CCDC3: variants seen among roughly 807,000 people sequenced by gnomAD.
CCDC3 encodes the protein coiled-coil domain-containing protein 3.
In CCDC3, 24 loss-of-function variants were observed where a neutral mutation model predicts 21.4. The observed-to-expected ratio is 1.12, with a 90% CI of 0.81 to 1.58. CCDC3 has a LOEUF of 1.58. CCDC3 is among the 40% of genes most tolerant of loss of function. The pLI is 0.00. For missense variants in CCDC3, 425 were observed against 360.9 expected (o/e 1.18, Z -1.44); for synonymous variants, 186 against 166.0 (o/e 1.12, Z -0.93).
chr10:13,025,467 G>C (rs1481185469), intron 5 of CCDC3, among the ~76,000 whole-genome samples: 2 of 152,198 alleles, frequency 1.3e-5, no homozygotes, highest in African/African-American at 4.8e-5. Flanking sequence ...AGTTTAGTGA[G>C]AGCCACCAAA....
chr10:12,917,979 G>A (rs1411263994), intron 2 of CCDC3, among the ~76,000 whole-genome samples: 2 of 152,204 alleles, frequency 1.3e-5, no homozygotes, highest in African/African-American at 2.4e-5. Context: ...ATGTCATACT[G>A]ACTGAAGGTT....
rs1834204463 is a variant in CCDC3, at chr10:12,908,181, T to A, written c.550-9502A>T. Among the ~76,000 whole-genome samples the A allele has an allele frequency of 3.3e-5, 5 of 152,212 alleles. No individual in the cohort carries two copies. The South Asian group carries it at 1.0e-3, about 32-fold the overall frequency. ...TACAAAGGTTTCCCAAAATGGAGTCTCCAGGACACTCGTCTCATTAGATGT... is the reference window on the plus strand; with the variant it reads ...TACAAAGGTTTCCCAAAATGGAGTCACCAGGACACTCGTCTCATTAGATGT... On this transcript the variant is annotated intron_variant, in intron 2 of 2. Coordinates refer to ENST00000378825, the MANE Select transcript of CCDC3 (RefSeq NM_031455.4).
At chr10:12,970,953 G>C (rs1835333530) in intron 2 of CCDC3, among the ~76,000 whole-genome samples, 1 of 151,930 alleles carries the variant, frequency 6.6e-6, no homozygotes, top group Non-Finnish European at 1.5e-5. Flanking sequence ...ACTTCGCAAA[G>C]TTTGGCCTAT....
chr10:12,910,743 G>A (rs1463069225), intron 2 of CCDC3, among the ~76,000 whole-genome samples: 6 of 151,656 alleles, frequency 4.0e-5, no homozygotes, highest in Non-Finnish European at 5.9e-5. Flanking sequence ...CTGAGTAGCT[G>A]GGACTACAGG....
At chr10:13,052,063 A>G (rs1044119178) in intron 4 of CCDC3, among the ~76,000 whole-genome samples, 1 of 152,100 alleles carries the variant, frequency 6.6e-6, no homozygotes, top group Non-Finnish European at 1.5e-5. Flanking sequence ...GAAGGTGCAA[A>G]TTACTAGGGC....
At chr10:12,992,894 G>C (rs1835702070) in intron 2 of CCDC3, among the ~76,000 whole-genome samples, 1 of 152,160 alleles carries the variant, frequency 6.6e-6, no homozygotes, top group Non-Finnish European at 1.5e-5. Flanking sequence ...TGGGTGGATG[G>C]GTGTCAGAGG....
chr10:12,914,965 A>T (rs1399561079), intron 2 of CCDC3, among the ~76,000 whole-genome samples: 1 of 152,074 alleles, frequency 6.6e-6, no homozygotes. Context: ...TGATGCAGGC[A>T]TTTATTGTTA....
chr10:12,980,826 C>G (rs1211436343), intron 2 of CCDC3, among the ~76,000 whole-genome samples: 1 of 152,072 alleles, frequency 6.6e-6, no homozygotes, highest in Non-Finnish European at 1.5e-5. Flanking sequence ...TTCAATGAAG[C>G]AAACAGCTAC....
At chr10:12,999,327 C>T (rs1212903477) in intron 1 of CCDC3, among the ~76,000 whole-genome samples, 2 of 152,178 alleles carry the variant, frequency 1.3e-5, no homozygotes, top group African/African-American at 2.4e-5. Context: ...GTAAATGAAG[C>T]ACTTGGTACA....
intron 3 of CCDC3, among the ~76,000 whole-genome samples, chr10:13,078,549 A>T (rs1378052840): frequency 6.6e-6 from 1 of 152,242 alleles, no homozygotes; most frequent in Non-Finnish European, 1.5e-5. Context: ...TACTATAAAG[A>T]CACATGCACA....
At chr10:12,936,292 G>C (rs73573906) in intron 2 of CCDC3, among the ~76,000 whole-genome samples, 2,193 of 152,166 alleles carry the variant, frequency 0.014, 52 homozygotes, top group African/African-American at 0.049. Context: ...TTGCTTGCAT[G>C]GTGTCTGAGA....
rs1287515920 is a variant in CCDC3, at chr10:12,955,895, G to A, written c.549+42443C>T. 2.6e-5 allele frequency among the ~76,000 whole-genome samples: 4 copies of A among 152,260 alleles called. No homozygotes were observed. The East Asian group carries it at 7.7e-4, about 29-fold the overall frequency. On this transcript the variant is annotated intron_variant, in intron 2 of 2. Coordinates refer to ENST00000378825, the MANE Select transcript of CCDC3 (RefSeq NM_031455.4). ...TGGCTAATTTTATATTTTTAGTAGA[G>A]ATGGGTTTCACCATGTTGGCAAGGC... is the stretch of plus-strand genomic sequence containing the variant.
chr10:12,948,793 C>CA (rs1228114848), intron 2 of CCDC3, among the ~76,000 whole-genome samples: 1 of 121,584 alleles, frequency 8.2e-6, no homozygotes, highest in African/African-American at 3.2e-5. Context: ...ACTGCAGTGG[C>CA]CTATCTCGGC....
chr10:12,992,893 G>A (rs1835702035), intron 2 of CCDC3, among the ~76,000 whole-genome samples: 1 of 152,228 alleles, frequency 6.6e-6, no homozygotes, highest in South Asian at 2.1e-4. Flanking sequence ...CTGGGTGGAT[G>A]GGTGTCAGAG....
At chr10:12,988,525 G>A (rs142627165) in intron 2 of CCDC3, among the ~76,000 whole-genome samples, 1 of 152,042 alleles carries the variant, frequency 6.6e-6, no homozygotes, top group African/African-American at 2.4e-5. Flanking sequence ...TGTATTTTTA[G>A]TAGAGACAGA....
chr10:13,036,854 A>T lies in CCDC3; in HGVS notation c.-2+12820T>A, dbSNP rs864309. Reference sequence around the variant, plus strand: ...GAGTCAAATGGTGTGATCACGGCTCATTGCAGCCTCGACTTCCCAGGCTCA... The same window carrying T: ...GAGTCAAATGGTGTGATCACGGCTCTTTGCAGCCTCGACTTCCCAGGCTCA... On this transcript the variant is annotated intron_variant, in intron 5 of 6. Coordinates refer to the CCDC3 transcript ENST00000378839. 4.3e-3 allele frequency among the ~76,000 whole-genome samples: 647 copies of T among 150,144 alleles called. 7 individuals are homozygous for T. The highest frequency in any genetic ancestry group is 0.015 in the African/African-American group (614 of 40,660).
At chr10:13,087,584 G>A (rs781584860) in intron 3 of CCDC3, among the ~76,000 whole-genome samples, 8 of 152,052 alleles carry the variant, frequency 5.3e-5, no homozygotes, top group Non-Finnish European at 8.8e-5. Context: ...GGGTGAGATC[G>A]AAGCACAGAA....
At chr10:12,985,153 A>T (rs1395072514) in intron 2 of CCDC3, among the ~76,000 whole-genome samples, 5 of 152,216 alleles carry the variant, frequency 3.3e-5, no homozygotes, top group African/African-American at 1.2e-4. Context: ...ATCTACTCTT[A>T]TCCAGGGTGA....
Position 13,001,678 on chromosome 10 carries a change from T to C in CCDC3, c.-108A>G, listed in dbSNP as rs1835858470. 1.8e-5 allele frequency: 13 copies of C among 725,054 alleles called. No individual in the cohort carries two copies. Among genetic ancestry groups the C allele is most frequent in the Non-Finnish European group, 2.2e-5 (13 of 583,270 alleles). 44.9% of individuals were successfully genotyped at this position (725,054 alleles called of 1,614,324 possible). A position where few individuals can be genotyped will look rare whatever the true frequency, so the allele number is the denominator to read the frequency against. ...GGCTGCTCGGGCCGCTCCCGGGAGCTGAGCGCACCGCTGTCTCCGCCACGG... is the reference window on the plus strand; with the variant it reads ...GGCTGCTCGGGCCGCTCCCGGGAGCCGAGCGCACCGCTGTCTCCGCCACGG... On this transcript the variant is annotated 5_prime_UTR_variant, in exon 1 of 3. Transcript: ENST00000378825.
Sources: allele counts gnomAD v4.1 joint callset (sites outside exome capture counted in the v4.1 genomes callset), GRCh38; gene constraint gnomAD v4.1.1; transcripts MANE v1.5; gene names NCBI Gene and HGNC (gene_info 2026-07-23, HGNC 2026-07-21).